NDRG1: variants seen among roughly 807,000 people sequenced by gnomAD.
The protein encoded by NDRG1 is protein NDRG1.
In NDRG1, 32 loss-of-function variants were observed where a neutral mutation model predicts 56.9. The ratio of observed to expected loss-of-function variants is 0.56; its 90% confidence interval spans 0.42 to 0.76. The LOEUF (loss-of-function observed/expected upper bound fraction) is 0.76, where lower values mean the gene tolerates loss of function less well. Ranked by LOEUF, NDRG1 falls within the 30% of genes least tolerant of loss-of-function variation. The pLI is 0.00. For missense variants in NDRG1, 507 were observed against 545.7 expected, an observed-to-expected ratio of 0.93 and a Z score of 0.71; for synonymous variants, 211 against 204.1, an observed-to-expected ratio of 1.03 and a Z score of -0.29.
chr8:133,288,830 C>T (rs1858275325), intron 1 of NDRG1, among the ~76,000 whole-genome samples: 1 of 152,180 alleles, frequency 6.6e-6, no homozygotes, highest in Non-Finnish European at 1.5e-5. Flanking sequence ...AGAAGAAACC[C>T]CTCCAGCAGG....
rs570655140 is a variant in NDRG1, at chr8:133,238,720, T to C, written c.*158A>G. 1.6e-5 allele frequency: 15 copies of C among 924,966 alleles called. No homozygotes were observed. The highest frequency in any genetic ancestry group is 6.7e-5 in the African/African-American group (4 of 59,938). 57.3% of individuals were successfully genotyped at this position (924,966 alleles called of 1,614,324 possible). On this transcript the variant is annotated 3_prime_UTR_variant, in exon 16 of 16. Transcript: ENST00000323851. ...GCCTTTGGAGAGGGCACCCACGTAATAGACCTCATTTGTCTCCACCAGAGC... is the reference window on the plus strand; with the variant it reads ...GCCTTTGGAGAGGGCACCCACGTAACAGACCTCATTTGTCTCCACCAGAGC...
intron 3 of NDRG1, among the ~76,000 whole-genome samples, chr8:133,279,505 C>T (rs1857658718): frequency 6.6e-6 from 1 of 152,240 alleles, no homozygotes. Context: ...CTGTGCAACA[C>T]ATGGGTAGCG....
chr8:133,277,603 T>C (rs548088907), intron 3 of NDRG1, among the ~76,000 whole-genome samples: 1 of 152,050 alleles, frequency 6.6e-6, no homozygotes. Context: ...GTTCTGAAAA[T>C]GGACGATAGT....
At chr8:133,249,013 T>C (rs962559496) in intron 10 of NDRG1, among the ~76,000 whole-genome samples, 1 of 152,154 alleles carries the variant, frequency 6.6e-6, no homozygotes, top group Non-Finnish European at 1.5e-5. Context: ...GTCACAAATA[T>C]TTGTGGGGCT....
Position 133,287,513 on chromosome 8 carries a change from G to A in NDRG1, c.-18-3184C>T, listed in dbSNP as rs927567796. Among the ~76,000 whole-genome samples, 136 of 152,224 alleles carry A rather than the reference G, an allele frequency of 8.9e-4. 1 individual carries two copies. Among genetic ancestry groups the A allele is most frequent in the Admixed American group, 2.0e-4 (3 of 15,286 alleles). ...CTGCCCCCACGGAGCTCACAGTCCCGAGGGGACAGGCACTCCCTTGGGCTC... is the reference window on the plus strand; with the variant it reads ...CTGCCCCCACGGAGCTCACAGTCCCAAGGGGACAGGCACTCCCTTGGGCTC... On this transcript the variant is annotated intron_variant, in intron 1 of 15. Transcript: ENST00000323851.
chr8:133,290,379 C>T (rs967697087), intron 1 of NDRG1, among the ~76,000 whole-genome samples: 3 of 152,126 alleles, frequency 2.0e-5, no homozygotes, highest in East Asian at 3.9e-4. Flanking sequence ...ACTCTAAACC[C>T]GGTACTTCCT....
chr8:133,260,981 C>T (rs1856632838), intron 5 of NDRG1, among the ~76,000 whole-genome samples: 1 of 152,150 alleles, frequency 6.6e-6, no homozygotes, highest in Non-Finnish European at 1.5e-5. Flanking sequence ...CATGCCCATA[C>T]AGATCACGAG....
chr8:133,267,042 C>A (rs764014569), intron 3 of NDRG1, among the ~76,000 whole-genome samples: 25 of 152,170 alleles, frequency 1.6e-4, no homozygotes, highest in Non-Finnish European at 2.8e-4. Flanking sequence ...ACCTCCCCCT[C>A]CCCAGCGGAG....
intron 4 of NDRG1, 90 bp from the exon 5 acceptor site, chr8:133,262,257 C>T: frequency 1.3e-6 from 2 of 1,494,924 alleles, no homozygotes; most frequent in Non-Finnish European, 1.8e-6. Context: ...CATTTTGTTT[C>T]ATTCCTATTC....
At chr8:133,285,714 A>T (rs1175682590) in intron 1 of NDRG1, among the ~76,000 whole-genome samples, 1 of 152,210 alleles carries the variant, frequency 6.6e-6, no homozygotes, top group Non-Finnish European at 1.5e-5. Context: ...GATTTTCCCC[A>T]GTAGATAACC....
Position 133,256,857 on chromosome 8 carries a change from T to C in NDRG1, c.457A>G (p.Asn153Asp), listed in dbSNP as rs1235310802. ...AYILTRFALN[N>D]PEMVEGLVLI... ...ACAAGGCCCTCCACCATCTCAGGGT[T>C]GTTTAGCTGCAATTCAAGACACAAA... The change falls in exon 8 of 16, where the codon AAC (asparagine) becomes GAC (aspartate). Residue 153 changes from asparagine (N) to aspartate (D), a missense_variant. Asn to Asp is a conservative substitution (Grantham distance 23, BLOSUM62 1). Transcript: ENST00000323851. The C allele has an allele frequency of 1.2e-6, 2 of 1,613,978 alleles. No individual in the cohort carries two copies. The highest frequency in any genetic ancestry group is 2.7e-5 in the African/African-American group (2 of 74,918).
At chr8:133,265,842 A>G (rs75743643) in intron 3 of NDRG1, among the ~76,000 whole-genome samples, 8,102 of 152,184 alleles carry the variant, frequency 0.053, 269 homozygotes, top group African/African-American at 0.083. Context: ...CCTTCACCCC[A>G]TGCCTACCCT....
chr8:133,249,805 A>G (rs1168085805), intron 10 of NDRG1, among the ~76,000 whole-genome samples: 1 of 152,250 alleles, frequency 6.6e-6, no homozygotes, highest in Non-Finnish European at 1.5e-5. Flanking sequence ...CTTTATTAAC[A>G]TTTGAGCAGA....
chr8:133,255,429 A>C (rs1178653481), intron 8 of NDRG1: 2 of 456,240 alleles, frequency 4.4e-6, no homozygotes, highest in Non-Finnish European at 8.8e-6. Flanking sequence ...GGAATAGTAC[A>C]GCTATTAAAG....
chr8:133,264,363 G>A (rs548790512), intron 4 of NDRG1, among the ~76,000 whole-genome samples, 184 bp downstream of exon 4: 24 of 152,328 alleles, frequency 1.6e-4, no homozygotes, highest in East Asian at 3.9e-4. Flanking sequence ...AGACAACTCC[G>A]TGCCCACATG....
chr8:133,284,170 A>T (rs1273634718), intron 2 of NDRG1, 79 bp downstream of exon 2: 30 of 1,344,744 alleles, frequency 2.2e-5, no homozygotes, highest in Non-Finnish European at 3.2e-5. Context: ...CATAAGTACA[A>T]GTGTGAGCTC....
At chr8:133,253,741 G>A (rs149026376) in intron 9 of NDRG1, among the ~76,000 whole-genome samples, 8 of 152,114 alleles carry the variant, frequency 5.3e-5, no homozygotes, top group East Asian at 1.9e-4. Flanking sequence ...TCACCTAGGC[G>A]GAATACAGTG....
chr8:133,248,656 GCCA>G, intron 11 of NDRG1, 56 bp downstream of exon 11: 2 of 1,596,156 alleles, frequency 1.3e-6, no homozygotes, highest in Admixed American at 3.3e-5. Context: ...TGCCAGCAAG[GCCA>G]CCTTTATAGT....
intron 1 of NDRG1, among the ~76,000 whole-genome samples, chr8:133,285,467 C>T (rs1212607319): frequency 6.6e-6 from 1 of 152,212 alleles, no homozygotes; most frequent in Non-Finnish European, 1.5e-5. Context: ...GGGCCCCGCA[C>T]TGCCCAAGGC....
Sources: allele counts gnomAD v4.1 joint callset (sites outside exome capture counted in the v4.1 genomes callset), GRCh38; gene constraint gnomAD v4.1.1; transcripts MANE v1.5; gene names NCBI Gene and HGNC (gene_info 2026-07-23, HGNC 2026-07-21).